Variants in ATP10A observed in about 807,000 individuals in gnomAD.
ATP10A encodes ATPase phospholipid transporting 10A (putative), also known as phospholipid-transporting ATPase VA.
A neutral mutation model predicts 147.8 loss-of-function variants in ATP10A; 111 were observed. The ratio of observed to expected loss-of-function variants is 0.75; its 90% CI spans 0.64 to 0.88. ATP10A has a LOEUF of 0.88. Among genes scored for constraint, ATP10A ranks in the 40% least tolerant of loss-of-function variants. ATP10A has a pLI of 0.00. For synonymous variants in ATP10A, 875 were observed against 841.6 expected (o/e 1.04, Z -0.69); for missense variants, 1,927 against 1,959.0 (o/e 0.98, Z 0.31).
At chr15:25,819,082 G>A (rs1427576577) in intron 1 of ATP10A, among the ~76,000 whole-genome samples, 1 of 151,876 alleles carries the variant, frequency 6.6e-6, no homozygotes, top group African/African-American at 2.4e-5. Flanking sequence ...AGAGAAATGG[G>A]ACTTAAACTA....
intron 10 of ATP10A, chr15:25,710,960 A>C (rs1344745724): frequency 6.6e-6 from 1 of 152,232 alleles, no homozygotes; most frequent in African/African-American, 2.4e-5. Context: ...CTAGGGGCTC[A>C]TGTGGGGACT....
chr15:25,815,182 A>G (rs1257900650), intron 1 of ATP10A, among the ~76,000 whole-genome samples: 1 of 152,324 alleles, frequency 6.6e-6, no homozygotes, highest in East Asian at 1.9e-4. Context: ...TCTCCATCAT[A>G]AGAAAAACAA....
At chr15:25,725,428 G>C (rs1033144349) in intron 5 of ATP10A, among the ~76,000 whole-genome samples, 1 of 152,120 alleles carries the variant, frequency 6.6e-6, no homozygotes, top group African/African-American at 2.4e-5. Flanking sequence ...TATAGAGGGG[G>C]AGTCCTGGAA....
chr15:25,854,130 G>GCT (rs1177947535), intron 1 of ATP10A, among the ~76,000 whole-genome samples: 3 of 152,130 alleles, frequency 2.0e-5, no homozygotes, highest in African/African-American at 4.8e-5. Flanking sequence ...TGGTTCTAGA[G>GCT]CTGGGCCAGC....
chr15:25,823,321 G>T (rs531267260), intron 1 of ATP10A, among the ~76,000 whole-genome samples: 11 of 152,244 alleles, frequency 7.2e-5, no homozygotes, highest in African/African-American at 2.6e-4. Flanking sequence ...AGATCATGAG[G>T]AATATTCACA....
rs138900708 is a variant in ATP10A, at chr15:25,783,964, G to A, written c.450-2741C>T. ...TGGCAGTGGCCCCCATCCCCAGGCC[G>A]TCCAGCTTACGAAGGCCAGTCGGAC... On this transcript the variant is annotated intron_variant, in intron 1 of 20. Coordinates refer to ENST00000555815, the MANE Select transcript of ATP10A (RefSeq NM_024490.4). 4.2e-4 allele frequency among the ~76,000 whole-genome samples: 64 copies of A among 152,326 alleles called. 1 individual carries two copies. Among genetic ancestry groups the A allele is most frequent in the African/African-American group, 1.4e-3 (60 of 41,576 alleles).
chr15:25,823,320 G>A (rs888698833), intron 1 of ATP10A, among the ~76,000 whole-genome samples: 13 of 152,094 alleles, frequency 8.5e-5, no homozygotes, highest in African/African-American at 2.9e-4. Context: ...TAGATCATGA[G>A]GAATATTCAC....
chr15:25,778,629 T>C (rs1889743992), intron 2 of ATP10A, among the ~76,000 whole-genome samples: 1 of 152,160 alleles, frequency 6.6e-6, no homozygotes, highest in Non-Finnish European at 1.5e-5. Flanking sequence ...AGTTTGGCCA[T>C]TTTGACCAGA....
chr15:25,765,300 A>G (rs1190987383), intron 2 of ATP10A, among the ~76,000 whole-genome samples: 1 of 152,160 alleles, frequency 6.6e-6, no homozygotes, highest in Admixed American at 6.5e-5. Flanking sequence ...TAATGACAAC[A>G]TGTGAACAAA....
intron 2 of ATP10A, among the ~76,000 whole-genome samples, chr15:25,762,235 C>T (rs980904910): frequency 2.6e-5 from 4 of 152,298 alleles, no homozygotes; most frequent in East Asian, 3.9e-4. Context: ...CCCGGCCATG[C>T]CAAACTGTGA....
chr15:25,791,052 CT>C (rs1431827447), intron 1 of ATP10A, among the ~76,000 whole-genome samples: 1 of 151,120 alleles, frequency 6.6e-6, no homozygotes, highest in African/African-American at 2.4e-5. Flanking sequence ...GCAAAACCAG[CT>C]GCTTCGTCTT....
At chr15:25,701,174 G>C (rs1055663798) in intron 13 of ATP10A, among the ~76,000 whole-genome samples, 16 of 152,204 alleles carry the variant, frequency 1.1e-4, no homozygotes, top group African/African-American at 3.4e-4. Context: ...GGTCCTAGAG[G>C]CCAGGAGATG....
chr15:25,803,266 T>TCC (rs1891020580), intron 1 of ATP10A, among the ~76,000 whole-genome samples: 1 of 152,216 alleles, frequency 6.6e-6, no homozygotes, highest in Non-Finnish European at 1.5e-5. Context: ...TGAATGATGC[T>TCC]TCGCCCACTG....
Position 25,862,758 on chromosome 15 carries a change from C to T in ATP10A, c.339G>A (p.Ala113=). Reference sequence around the variant, plus strand: ...TGATGGCCAGGATGAAGAGCACCGGCGCCAGTGCCAGGCCGGGCTGGAAGG... The same window carrying T: ...TGATGGCCAGGATGAAGAGCACCGGTGCCAGTGCCAGGCCGGGCTGGAAGG... ...VNAFQPGLAL[A]PVLFILAITA... is the part of the protein sequence containing the mutation. Residue 113 remains alanine (A), a synonymous_variant, in exon 1 of 21, where the codon GCG becomes GCA. Transcript: ENST00000555815. 1.2e-6 allele frequency: 2 copies of T among 1,611,814 alleles called. No homozygotes were observed. The highest frequency in any genetic ancestry group is 1.7e-6 in the Non-Finnish European group (2 of 1,179,118).
intron 3 of ATP10A, among the ~76,000 whole-genome samples, chr15:25,731,372 T>C (rs1567340643): frequency 6.6e-6 from 1 of 152,230 alleles, no homozygotes; most frequent in East Asian, 1.9e-4. Context: ...CACCCAAGTA[T>C]ATAAAGCAAA....
At chr15:25,721,467 G>C (rs1902222098) in intron 7 of ATP10A, among the ~76,000 whole-genome samples, 190 bp downstream of exon 7, 1 of 151,986 alleles carries the variant, frequency 6.6e-6, no homozygotes, top group Non-Finnish European at 1.5e-5. Flanking sequence ...TCTATAAATA[G>C]CACCGGGCTT....
chr15:25,801,474 C>T lies in ATP10A; in HGVS notation c.450-20251G>A, dbSNP rs115801491. ...TAGTCAGGGGGACTATGTTAAGGTG[C>T]ATGCAGCGCTTAGCATCCTGCGTCA... On this transcript the variant is annotated intron_variant, in intron 1 of 20. Transcript: ENST00000555815. Among the ~76,000 whole-genome samples the T allele has an allele frequency of 3.3e-3, 500 of 152,278 alleles. 2 individuals carry two copies. The highest frequency in any genetic ancestry group is 0.011 in the African/African-American group (463 of 41,554).
chr15:25,719,646 GGGGC>G (rs929336270), intron 7 of ATP10A, among the ~76,000 whole-genome samples: 1 of 152,058 alleles, frequency 6.6e-6, no homozygotes, highest in Non-Finnish European at 1.5e-5. Context: ...AGAGGCTGTG[GGGGC>G]CACGGCTGGT....
intron 2 of ATP10A, among the ~76,000 whole-genome samples, chr15:25,768,200 G>A (rs944661099): frequency 6.6e-6 from 1 of 152,212 alleles, no homozygotes; most frequent in Admixed American, 6.5e-5. Flanking sequence ...GAGCAGCTGC[G>A]ATGGAGGGAG....
Sources: gnomAD v4.1 joint callset for allele counts (sites outside exome capture counted in the v4.1 genomes callset) on GRCh38, gnomAD v4.1.1 for gene constraint, MANE v1.5 for transcripts, NCBI Gene and HGNC (gene_info 2026-07-23, HGNC 2026-07-21) for gene names.